Variants in PALLD observed in about 807,000 individuals in gnomAD.
PALLD encodes the protein palladin.
Under a neutral mutation model 123.5 loss-of-function variants are expected in PALLD, and 61 were observed. The observed-to-expected ratio is 0.49, with a 90% CI of 0.40 to 0.61. PALLD has a LOEUF of 0.61. Among genes scored for constraint, PALLD ranks in the 20% least tolerant of loss-of-function variants. The pLI is 0.00. For synonymous variants in PALLD, 465 were observed against 496.4 expected (o/e 0.94, Z 0.84); for missense variants, 1,273 against 1,377.0 (o/e 0.92, Z 1.20).
chr4:168,813,397 C>G (rs1039967646), intron 10 of PALLD, among the ~76,000 whole-genome samples: 1 of 152,132 alleles, frequency 6.6e-6, no homozygotes, highest in Non-Finnish European at 1.5e-5. Flanking sequence ...TGCTTTGGAG[C>G]AAGGCAGTTA....
intron 10 of PALLD, among the ~76,000 whole-genome samples, chr4:168,743,322 A>G (rs961863657): frequency 6.6e-6 from 1 of 152,168 alleles, no homozygotes. Flanking sequence ...CTGAAGGAAC[A>G]TGATATCTAT....
In PALLD at chr4:168,889,167, G is replaced by GTGTGGT. The variant is rs1560861904; in HGVS notation, c.1965-1754_1965-1753insGTGGTT. Among the ~76,000 whole-genome samples, 9 of 41,474 alleles carry GTGTGGT rather than the reference G, an allele frequency of 2.2e-4. No individual in the cohort carries two copies. The South Asian group carries it at 3.7e-3, about 17-fold the overall frequency. The allele number at this position is 41,474 out of a possible 152,430, so 27.2% of individuals were successfully genotyped here. On this transcript the variant is annotated intron_variant, in intron 10 of 21. Transcript: ENST00000505667. ...GTGTGTGTGTGTGTGTGTGTGTGTG[G>GTGTGGT]TTTTTTTTTTTTTTTAGACGGAGTC...
chr4:168,555,898 A>G (rs1202814745), intron 2 of PALLD, among the ~76,000 whole-genome samples: 2 of 152,192 alleles, frequency 1.3e-5, no homozygotes, highest in African/African-American at 4.8e-5. Context: ...GATCGATTGC[A>G]GGCTCAGATG....
At chr4:168,694,768 C>G (rs150236594) in intron 8 of PALLD, among the ~76,000 whole-genome samples, 1 of 152,342 alleles carries the variant, frequency 6.6e-6, no homozygotes, top group Non-Finnish European at 1.5e-5. Context: ...ACACTCCCCT[C>G]TCTGTCTAGA....
At chr4:168,529,442 G>C (rs913826637) in intron 2 of PALLD, among the ~76,000 whole-genome samples, 3 of 152,142 alleles carry the variant, frequency 2.0e-5, no homozygotes, top group African/African-American at 7.2e-5. Flanking sequence ...CCAGGCGAAG[G>C]GGGAGAGTGG....
chr4:168,689,155 T>G (rs975834906), intron 6 of PALLD, among the ~76,000 whole-genome samples: 5 of 152,220 alleles, frequency 3.3e-5, no homozygotes, highest in African/African-American at 1.2e-4. Context: ...CTTCTCAGAC[T>G]TCACATTAGA....
chr4:168,528,796 T>C (rs1764310710), intron 2 of PALLD, among the ~76,000 whole-genome samples: 1 of 152,220 alleles, frequency 6.6e-6, no homozygotes, highest in Non-Finnish European at 1.5e-5. Context: ...AATTTATTAT[T>C]TTCTCTCACT....
intron 2 of PALLD, among the ~76,000 whole-genome samples, chr4:168,543,949 T>C (rs951770412): frequency 6.6e-6 from 1 of 152,256 alleles, no homozygotes; most frequent in African/African-American, 2.4e-5. Context: ...TACATGAAGA[T>C]GTACTCACGT....
intron 2 of PALLD, among the ~76,000 whole-genome samples, chr4:168,522,205 A>C (rs567165454): frequency 6.6e-6 from 1 of 152,356 alleles, no homozygotes; most frequent in East Asian, 1.9e-4. Flanking sequence ...CCAATACTTT[A>C]GCCACTCTTT....
intron 2 of PALLD, among the ~76,000 whole-genome samples, chr4:168,533,833 A>G (rs1268458617): frequency 6.6e-6 from 1 of 152,200 alleles, no homozygotes; most frequent in Admixed American, 6.5e-5. Flanking sequence ...GAGGATCTAG[A>G]GAGATCAATG....
At chr4:168,797,628 G>A (rs781668733) in intron 10 of PALLD, among the ~76,000 whole-genome samples, 8 of 152,088 alleles carry the variant, frequency 5.3e-5, no homozygotes, top group Admixed American at 5.2e-4. Context: ...GAGATGGCTT[G>A]GAAGAAGTGA....
intron 1 of PALLD, chr4:168,504,755 G>A (rs1211164437): frequency 2.6e-5 from 4 of 152,210 alleles, no homozygotes; most frequent in Non-Finnish European, 5.9e-5. Context: ...AAAGTGAGGA[G>A]GCAGGGGACA....
chr4:168,859,074 A>G (rs535440272), intron 10 of PALLD, among the ~76,000 whole-genome samples: 1 of 152,366 alleles, frequency 6.6e-6, no homozygotes, highest in Non-Finnish European at 1.5e-5. Flanking sequence ...CCTCAGCGTT[A>G]TAATTGGTCA....
At chr4:168,691,570 T>C (rs1193713541) in intron 8 of PALLD, among the ~76,000 whole-genome samples, 1 of 152,184 alleles carries the variant, frequency 6.6e-6, no homozygotes, top group African/African-American at 2.4e-5. Flanking sequence ...TACAGTCTTT[T>C]AGGCTCAGAA....
intron 10 of PALLD, among the ~76,000 whole-genome samples, chr4:168,763,899 T>C (rs944823346): frequency 3.1e-4 from 47 of 152,266 alleles, no homozygotes; most frequent in African/African-American, 1.1e-3. Context: ...AGAAGCCCTC[T>C]CCCACATGGT....
At chr4:168,521,988 T>G (rs1763612991) in intron 2 of PALLD, among the ~76,000 whole-genome samples, 2 of 152,316 alleles carry the variant, frequency 1.3e-5, no homozygotes, top group South Asian at 4.1e-4. Context: ...TTCATACAAC[T>G]AATTATCTCC....
At chr4:168,722,962 G>A (rs1786168540) in intron 10 of PALLD, among the ~76,000 whole-genome samples, 1 of 152,202 alleles carries the variant, frequency 6.6e-6, no homozygotes, top group African/African-American at 2.4e-5. Flanking sequence ...AGTGTCAGAT[G>A]AGAAAATATG....
intron 8 of PALLD, among the ~76,000 whole-genome samples, chr4:168,707,358 G>C (rs1784327471): frequency 6.6e-6 from 1 of 152,196 alleles, no homozygotes; most frequent in Non-Finnish European, 1.5e-5. Flanking sequence ...GCCAGGCTAG[G>C]CTGACCACAG....
At position 168,512,393 on chromosome 4, in the gene PALLD, A is replaced by C; in HGVS notation, c.889A>C (p.Asn297His). 6.2e-7 allele frequency: 1 copy of C among 1,613,558 alleles called. No homozygotes were observed. The highest frequency in any genetic ancestry group is 8.5e-7 in the Non-Finnish European group (1 of 1,179,968). Reference sequence around the variant, plus strand: ...TTATCTGGAGTGTAGAGTCACTGGAAACCCCACTCCTCGAGTCAGGTATGA... The same window carrying C: ...TTATCTGGAGTGTAGAGTCACTGGACACCCCACTCCTCGAGTCAGGTATGA... The part of the protein sequence containing the change: ...RVYLECRVTG[N>H]PTPRVRWFCE... The change falls in exon 2 of 22, where the codon AAC becomes CAC. Residue 297 changes from asparagine to histidine, a missense_variant. Coordinates refer to ENST00000505667, the MANE Select transcript of PALLD (RefSeq NM_001166108.2).
Sources: gnomAD v4.1 joint callset for allele counts (sites outside exome capture counted in the v4.1 genomes callset) on GRCh38, gnomAD v4.1.1 for gene constraint, MANE v1.5 for transcripts, NCBI Gene and HGNC (gene_info 2026-07-23, HGNC 2026-07-21) for gene names.